Variants in ZNF532 observed in about 807,000 individuals in gnomAD.
The protein encoded by ZNF532 is zinc finger protein 532.
Under a neutral mutation model 89.3 loss-of-function variants are expected in ZNF532, and 22 were observed. The ratio of observed to expected loss-of-function variants is 0.25; its 90% CI spans 0.18 to 0.35. The LOEUF (loss-of-function observed/expected upper bound fraction) is 0.35. Among genes scored for constraint, ZNF532 ranks in the 10% least tolerant of loss-of-function variants. ZNF532 has a pLI of 1.00. For synonymous variants in ZNF532, 606 were observed against 649.6 expected (o/e 0.93, Z 1.02); for missense variants, 1,132 against 1,643.4 (o/e 0.69, Z 5.38).
At chr18:58,982,001 CAAAAAAAAAAA>C (rs60019659) in intron 9 of ZNF532, among the ~76,000 whole-genome samples, 3 of 83,312 alleles carry the variant, frequency 3.6e-5, no homozygotes, top group South Asian at 4.0e-4. Flanking sequence ...GAGACTCTCC[CAAAAAAAAAAA>C]AAAAAAAAAT....
At chr18:58,931,111 A>G (rs1428279144) in intron 3 of ZNF532, among the ~76,000 whole-genome samples, 1 of 152,344 alleles carries the variant, frequency 6.6e-6, no homozygotes, top group East Asian at 1.9e-4. Context: ...TTACCTAAGT[A>G]CCGAAAACAT....
intron 2 of ZNF532, among the ~76,000 whole-genome samples, chr18:58,876,983 C>T (rs1350205976): frequency 6.6e-6 from 1 of 151,900 alleles, no homozygotes; most frequent in African/African-American, 2.4e-5. Flanking sequence ...TCACTTGAGC[C>T]CAGGAGTTAG....
intron 2 of ZNF532, among the ~76,000 whole-genome samples, chr18:58,915,972 G>A (rs1404572551): frequency 1.3e-5 from 2 of 152,210 alleles, no homozygotes; most frequent in African/African-American, 4.8e-5. Flanking sequence ...GAAAGAGTTG[G>A]GGGACTAGGG....
Position 58,920,306 on chromosome 18 carries a change from G to A in ZNF532, c.2019G>A (p.Val673=). Residue 673 remains valine (V), a synonymous_variant, in exon 3 of 10, where the codon GTG becomes GTA. Coordinates refer to ENST00000591808, the MANE Select transcript of ZNF532 (RefSeq NM_001375912.1). ...SHARGHKEKG[V]VMQCSHLILK... ...CCCGTGGGCATAAGGAGAAAGGGGT[G>A]GTAATGCAATGCTCCCACTTAATTT... 6.2e-7 allele frequency: 1 copy of A among 1,614,002 alleles called. No individual in the cohort carries two copies.
At chr18:58,877,319 T>G (rs941378759) in intron 2 of ZNF532, among the ~76,000 whole-genome samples, 1 of 152,170 alleles carries the variant, frequency 6.6e-6, no homozygotes, top group Non-Finnish European at 1.5e-5. Context: ...TGGGTGAAGC[T>G]GTCCTGGGGA....
chr18:58,967,334 C>G (rs550808574), intron 7 of ZNF532, among the ~76,000 whole-genome samples: 1 of 152,292 alleles, frequency 6.6e-6, no homozygotes, highest in East Asian at 1.9e-4. Context: ...ATGATCTTAC[C>G]CTGCCTCCTT....
intron 6 of ZNF532, 65 bp from the exon 7 acceptor site, chr18:58,953,453 C>A: frequency 1.4e-6 from 2 of 1,406,808 alleles, no homozygotes; most frequent in Non-Finnish European, 2.0e-6. Flanking sequence ...GTTAAGATAG[C>A]ATACTTGTGC....
intron 7 of ZNF532, among the ~76,000 whole-genome samples, chr18:58,965,076 G>T: frequency 6.6e-6 from 1 of 150,600 alleles, no homozygotes; most frequent in African/African-American, 2.4e-5. Flanking sequence ...TTATTAGTAT[G>T]GTTTACTATA....
In ZNF532 at chr18:58,939,261, A is replaced by AAC. The variant is rs1471185711; in HGVS notation, c.2529-183_2529-182insCA. Among the ~76,000 whole-genome samples the AAC allele has an allele frequency of 5.8e-4, 87 of 148,914 alleles. 1 individual carries two copies. Among genetic ancestry groups the AAC allele is most frequent in the Non-Finnish European group, 7.4e-4 (50 of 67,318 alleles). On this transcript the variant is annotated intron_variant, in intron 4 of 9. Coordinates refer to ENST00000591808, the MANE Select transcript of ZNF532 (RefSeq NM_001375912.1). ...GACGTTGTCTCAAAAAAAAAAAAAA[A>AAC]AAAAAAAAAAAAAACCCATAAACAA...
At chr18:58,872,761 G>A (rs1402997033) in intron 2 of ZNF532, among the ~76,000 whole-genome samples, 2 of 150,798 alleles carry the variant, frequency 1.3e-5, no homozygotes, top group Non-Finnish European at 2.9e-5. Flanking sequence ...GTACAGTGGC[G>A]TGATCTCGGC....
intron 2 of ZNF532, among the ~76,000 whole-genome samples, chr18:58,907,024 C>G (rs1292141388): frequency 6.6e-6 from 1 of 152,150 alleles, no homozygotes; most frequent in Non-Finnish European, 1.5e-5. Flanking sequence ...TGAGAAAACT[C>G]ACTTGCGAGG....
chr18:58,876,892 G>A (rs937157979), intron 2 of ZNF532, among the ~76,000 whole-genome samples: 4 of 151,956 alleles, frequency 2.6e-5, no homozygotes, highest in Admixed American at 6.6e-5. Context: ...GGTAAACCCC[G>A]TCTCTACAAG....
chr18:58,915,020 C>A (rs2060506691), intron 2 of ZNF532, among the ~76,000 whole-genome samples: 1 of 152,028 alleles, frequency 6.6e-6, no homozygotes, highest in Admixed American at 6.5e-5. Context: ...CATTTTTTTC[C>A]CCTCCAAGTG....
chr18:58,967,208 A>G (rs1055022190), intron 7 of ZNF532, among the ~76,000 whole-genome samples: 32 of 152,136 alleles, frequency 2.1e-4, no homozygotes, highest in Admixed American at 3.9e-4. Flanking sequence ...AACAGAACCA[A>G]TCCCCCTATC....
chr18:58,971,773 A>G (rs2066501688), intron 7 of ZNF532, among the ~76,000 whole-genome samples: 2 of 152,240 alleles, frequency 1.3e-5, no homozygotes. Flanking sequence ...ACTGCCTTCA[A>G]TAGTTTATAC....
chr18:58,880,246 G>T lies in ZNF532; in HGVS notation c.-18+14667G>T, dbSNP rs565292605. Among the ~76,000 whole-genome samples the T allele has an allele frequency of 1.7e-4, 26 of 152,300 alleles. No individual in the cohort carries two copies. The South Asian group carries it at 5.2e-3, about 30-fold the overall frequency. On this transcript the variant is annotated intron_variant, in intron 2 of 9. Transcript: ENST00000591808. ...AGAGTTGCAGTGAAGATGAGCTAAC[G>T]GGTGACTTGGTCACCTTGGTAGAAT...
intron 2 of ZNF532, among the ~76,000 whole-genome samples, chr18:58,896,788 AAGGATTAATCAGTAGAGGG>A (rs1297148632): frequency 1.3e-5 from 2 of 152,206 alleles, no homozygotes; most frequent in African/African-American, 4.8e-5. Flanking sequence ...AATCGATTGG[AAGGATTAATCAGTAGAGGG>A]AGGTGTTTTC....
chr18:58,888,409 C>G (rs936789655), intron 2 of ZNF532, among the ~76,000 whole-genome samples: 1 of 151,862 alleles, frequency 6.6e-6, no homozygotes, highest in African/African-American at 2.4e-5. Flanking sequence ...GGTGCAGTGG[C>G]TCACGCCTGT....
At chr18:58,875,695 C>T (rs2057366201) in intron 2 of ZNF532, among the ~76,000 whole-genome samples, 1 of 152,166 alleles carries the variant, frequency 6.6e-6, no homozygotes, top group Non-Finnish European at 1.5e-5. Context: ...CTTCACATTC[C>T]TGTTGAGACT....
Sources: gnomAD v4.1 joint callset for allele counts (sites outside exome capture counted in the v4.1 genomes callset) on GRCh38, gnomAD v4.1.1 for gene constraint, MANE v1.5 for transcripts, NCBI Gene and HGNC (gene_info 2026-07-23, HGNC 2026-07-21) for gene names.